P4HB: variants seen among roughly 807,000 people sequenced by gnomAD.
P4HB encodes the protein protein disulfide-isomerase.
A neutral mutation model predicts 52.6 loss-of-function variants in P4HB; 20 were observed. That is an observed-to-expected ratio of 0.38 (90% CI 0.27 to 0.55). The LOEUF (loss-of-function observed/expected upper bound fraction) is 0.55. Among genes scored for constraint, P4HB ranks in the 20% least tolerant of loss-of-function variants. The pLI is 0.74. For synonymous variants in P4HB, 296 were observed against 277.9 expected (o/e 1.07, Z -0.65); for missense variants, 601 against 669.2 (o/e 0.90, Z 1.12).
At position 81,847,334 on chromosome 17, in the gene P4HB, C is replaced by T. The variant is rs140683347; in HGVS notation, c.638G>A (p.Arg213Gln). The stretch of plus-strand genomic sequence containing the variant: ...GGTGACCTCCCCTTCAAAGTTGTTC[C>T]GGCCTTCATCAAACTGTGGACAGAA... ...VVLFKKFDEG[R>Q]NNFEGEVTKE... Residue 213 changes from arginine to glutamine, a missense_variant, in exon 5 of 11, where the codon CGG (arginine) becomes CAG (glutamine). By Grantham distance (43) the Arg-to-Gln change is conservative. Transcript: ENST00000331483. The T allele has an allele frequency of 1.1e-4, 176 of 1,613,872 alleles. No individual in the cohort carries two copies. Among genetic ancestry groups the T allele is most frequent in the Admixed American group, 3.5e-4 (21 of 60,024 alleles).
chr17:81,859,575 G>A, intron 1 of P4HB, 188 bp from the exon 2 acceptor site: 2 of 598,076 alleles, frequency 3.3e-6, no homozygotes, highest in South Asian at 2.0e-5. Context: ...TCAGGACAGA[G>A]GCCGTGAACG....
Position 81,859,227 on chromosome 17 carries a change from G to T in P4HB, c.306C>A (p.Ile102=). ...CCGTGTCTCCATTCCTGAAGAACTT[G>T]ATGGTGGGATAGCCGCGCACGCCGT... ...QQYGVRGYPT[I]KFFRNGDTAS... Residue 102 remains isoleucine (I), a synonymous_variant, in exon 2 of 11, where the codon ATC becomes ATA. Coordinates refer to ENST00000331483, the MANE Select transcript of P4HB (RefSeq NM_000918.4). The T allele has an allele frequency of 6.2e-7, 1 of 1,614,012 alleles. No individual in the cohort carries two copies. The highest frequency in any genetic ancestry group is 8.5e-7 in the Non-Finnish European group (1 of 1,180,020).
At chr17:81,857,112 G>A (rs1017843076) in intron 2 of P4HB, among the ~76,000 whole-genome samples, 9 of 152,150 alleles carry the variant, frequency 5.9e-5, no homozygotes, top group East Asian at 5.8e-4. Flanking sequence ...TTTGTAGACA[G>A]GGTTTCACCA....
chr17:81,845,782 A>T, intron 8 of P4HB, 40 bp from the exon 9 acceptor site: 1 of 1,612,288 alleles, frequency 6.2e-7, no homozygotes, highest in Non-Finnish European at 8.5e-7. Context: ...CTGGACACAA[A>T]GCCACTGGCA....
At chr17:81,859,430 A>G in intron 1 of P4HB, 43 bp from the exon 2 acceptor site, 1 of 1,557,482 alleles carries the variant, frequency 6.4e-7, no homozygotes, top group Non-Finnish European at 8.8e-7. Context: ...CTTGATCCCT[A>G]AAGCAGCCTT....
At position 81,847,315 on chromosome 17, in the gene P4HB, C is replaced by T. The variant is rs1179585375; in HGVS notation, c.657G>A (p.Glu219=). The part of the protein sequence containing the change: ...FDEGRNNFEG[E]VTKENLLDFI... The stretch of plus-strand genomic sequence containing the variant: ...AGTCCAGCAGGTTCTCCTTGGTGAC[C>T]TCCCCTTCAAAGTTGTTCCGGCCTT... The change falls in exon 5 of 11, where the codon GAG becomes GAA. Residue 219 remains glutamate, a synonymous_variant. Coordinates refer to ENST00000331483, the MANE Select transcript of P4HB (RefSeq NM_000918.4). 1.9e-6 allele frequency: 3 copies of T among 1,614,132 alleles called. No homozygotes were observed. The highest frequency in any genetic ancestry group is 2.5e-6 in the Non-Finnish European group (3 of 1,180,010).
intron 4 of P4HB, 132 bp from the exon 5 acceptor site, chr17:81,847,479 C>T: frequency 1.4e-6 from 1 of 735,836 alleles, no homozygotes; most frequent in Non-Finnish European, 2.5e-6. Context: ...AGCCACAGGT[C>T]CAGCAATGGG....
Position 81,855,596 on chromosome 17 carries a change from A to AAC in P4HB, c.353-12_353-11dup. The AAC allele has an allele frequency of 6.2e-7, 1 of 1,611,380 alleles. No individual in the cohort carries two copies. On this transcript the variant is annotated splice_polypyrimidine_tract_variant and intron_variant, in intron 2 of 10. Coordinates refer to ENST00000331483, the MANE Select transcript of P4HB (RefSeq NM_000918.4). This position sits in a 1 kb window ranked among gnomAD's most constrained non-coding sequence, Gnocchi z 4.3. ...TCAGCCTCTCTGCCAGCTAACCCCA[A>AAC]ACAAATGTAGGTTCTACTCTCAAAC...
chr17:81,855,106 GAACT>G lies in P4HB; in HGVS notation c.624+32_624+35del, dbSNP rs1485049837. On this transcript the variant is annotated intron_variant, in intron 4 of 10. Transcript: ENST00000331483. This position sits in a 1 kb window ranked among gnomAD's most constrained non-coding sequence, Gnocchi z 4.3. Reference sequence around the variant, plus strand: ...CGCCACCCTCTGCAGACCAACCCCAGAACTAACCTGGGCAGAGCTGCCTGGGGCC... The same window carrying G: ...CGCCACCCTCTGCAGACCAACCCCAGAACCTGGGCAGAGCTGCCTGGGGCC... 3 of 1,611,646 alleles carry G rather than the reference GAACT, an allele frequency of 1.9e-6. No homozygotes were observed. The highest frequency in any genetic ancestry group is 3.3e-5 in the Admixed American group (2 of 59,966).
At chr17:81,859,410 A>C in intron 1 of P4HB, 23 bp from the exon 2 acceptor site, 1 of 1,604,706 alleles carries the variant, frequency 6.2e-7, no homozygotes, top group Non-Finnish European at 8.5e-7. Context: ...ATGAGATGCT[A>C]GAAAGCAGCC....
chr17:81,846,385 G>GGCTCTACCCGGGAGGCA lies in P4HB; in HGVS notation c.1056+27_1056+43dup. 7.0e-6 allele frequency: 11 copies of GGCTCTACCCGGGAGGCA among 1,580,332 alleles called. No homozygotes were observed. The highest frequency in any genetic ancestry group is 9.6e-6 in the Non-Finnish European group (11 of 1,151,656). ...GAGAGCCCAGAGACCCCAAGGTGGC[G>GGCTCTACCCGGGAGGCA]GCTCTACCCGGGAGGCAGCCCTGGC... On this transcript the variant is annotated intron_variant, in intron 7 of 10. Coordinates refer to ENST00000331483, the MANE Select transcript of P4HB (RefSeq NM_000918.4). The surrounding 1 kb of genome is among the most constrained non-coding windows in gnomAD (Gnocchi z 5.7).
intron 4 of P4HB, among the ~76,000 whole-genome samples, chr17:81,851,883 A>G (rs1026188690): frequency 6.6e-6 from 1 of 152,246 alleles, no homozygotes. Flanking sequence ...GACAAACAGC[A>G]TAGAAACGCC....
Position 81,859,178 on chromosome 17 carries a change from C to T in P4HB, c.352+3G>A. 4.3e-6 allele frequency: 7 copies of T among 1,613,082 alleles called. No individual in the cohort carries two copies. The Admixed American group carries it at 5.0e-5, about 12-fold the overall frequency. On this transcript the variant is annotated splice_donor_region_variant and intron_variant, in intron 2 of 10. Transcript: ENST00000331483. ...CAGTTCAAGGGCAGTGCCACAGCCA[C>T]ACCTGTATATTCCTTGGGGGAAGCC...
Position 81,849,036 on chromosome 17 carries a change from ACT to A in P4HB, c.625-1691_625-1690del, listed in dbSNP as rs778896171. 2.0e-5 allele frequency among the ~76,000 whole-genome samples: 3 copies of A among 147,484 alleles called. No homozygotes were observed. The Admixed American group carries it at 2.0e-4, about 10-fold the overall frequency. On this transcript the variant is annotated intron_variant, in intron 4 of 10. Transcript: ENST00000331483. ...ACTCCAGCCTGGGCAACAGAGCAAGACTCTGTCTCAAAAAAAAAAAAAAATAC... is the reference window on the plus strand; with the variant it reads ...ACTCCAGCCTGGGCAACAGAGCAAGACTGTCTCAAAAAAAAAAAAAAATAC...
chr17:81,846,686 C>T lies in P4HB; in HGVS notation c.856-57G>A. On this transcript the variant is annotated intron_variant, in intron 6 of 10. Coordinates refer to ENST00000331483, the MANE Select transcript of P4HB (RefSeq NM_000918.4). The surrounding 1 kb of genome is among the most constrained non-coding windows in gnomAD (Gnocchi z 5.7). ...GGAGACGGCTGGCCTCTGCCTCCAG[C>T]CCTGACTTTGCTCGGAAGCAGACCG... is the stretch of plus-strand genomic sequence containing the variant. 1 of 1,542,018 alleles carries T rather than the reference C, an allele frequency of 6.5e-7. No individual in the cohort carries two copies. Among genetic ancestry groups the T allele is most frequent in the Non-Finnish European group, 8.9e-7 (1 of 1,123,008 alleles).
rs748141840 is a variant in P4HB at position 81,846,413 on chromosome 17, G to A, written c.1056+16C>T. On this transcript the variant is annotated intron_variant, in intron 7 of 10. Transcript: ENST00000331483. This position sits in a 1 kb window ranked among gnomAD's most constrained non-coding sequence, Gnocchi z 5.7. ...TCTACCCGGGAGGCAGCCCTGGCCC[G>A]GGGACGCGCCTGCACCTTGATTTTG... The A allele has an allele frequency of 3.0e-5, 48 of 1,611,760 alleles. No homozygotes were observed. The highest frequency in any genetic ancestry group is 1.7e-4 in the Middle Eastern group (1 of 6,014).
chr17:81,859,703 C>G (rs762563708), intron 1 of P4HB: 8 of 399,580 alleles, frequency 2.0e-5, no homozygotes, highest in Non-Finnish European at 3.7e-5. Context: ...AGGCAAGGAT[C>G]TCCCCTAGAC....
intron 4 of P4HB, chr17:81,847,708 C>T (rs2038758990): frequency 2.6e-5 from 7 of 268,360 alleles, no homozygotes; most frequent in South Asian, 8.8e-5. Flanking sequence ...GAGACAGTCT[C>T]GCTCTGTTGC....
chr17:81,858,238 C>CAGCCTGG (rs111460757), intron 2 of P4HB, among the ~76,000 whole-genome samples: 1 of 119,228 alleles, frequency 8.4e-6, no homozygotes, highest in African/African-American at 3.3e-5. Context: ...CACCACTGCA[C>CAGCCTGG]GACAGAGCGA....
Sources: allele counts gnomAD v4.1 joint callset (sites outside exome capture counted in the v4.1 genomes callset), GRCh38; gene constraint gnomAD v4.1.1; non-coding constraint Gnocchi (gnomAD v3.1); transcripts MANE v1.5; gene names NCBI Gene and HGNC (gene_info 2026-07-23, HGNC 2026-07-21).